PLCB4: variants seen among roughly 807,000 people sequenced by gnomAD.
PLCB4 encodes the protein phospholipase C beta 4.
A neutral mutation model predicts 178.8 loss-of-function variants in PLCB4; 77 were observed. The ratio of observed to expected loss-of-function variants is 0.43; its 90% CI spans 0.36 to 0.52. The LOEUF (loss-of-function observed/expected upper bound fraction) is 0.52. Among genes scored for constraint, PLCB4 ranks in the 20% least tolerant of loss-of-function variants. The pLI is 0.00. For synonymous variants in PLCB4, 496 were observed against 490.8 expected, an observed-to-expected ratio of 1.01 and a Z score of -0.14; for missense variants, 1,024 against 1,453.4, an observed-to-expected ratio of 0.70 and a Z score of 4.80.
At chr20:9,261,189 A>C (rs2094293706) in intron 3 of PLCB4, among the ~76,000 whole-genome samples, 1 of 152,102 alleles carries the variant, frequency 6.6e-6, no homozygotes, top group East Asian at 1.9e-4. Flanking sequence ...CAATCAAAGC[A>C]AAGGGGATGC....
intron 32 of PLCB4, among the ~76,000 whole-genome samples, chr20:9,446,315 A>G (rs1258274279): frequency 6.6e-6 from 1 of 152,180 alleles, no homozygotes; most frequent in South Asian, 2.1e-4. Context: ...GATGCTCACT[A>G]AGTGGACAAG....
intron 2 of PLCB4, among the ~76,000 whole-genome samples, chr20:9,112,884 C>CTTT (rs10667431): frequency 0.86 from 130,805 of 151,690 alleles, 56,602 homozygotes; most frequent in East Asian, 1. Context: ...TCCTCTTGCC[C>CTTT]TTTTTAAAAA....
intron 12 of PLCB4, among the ~76,000 whole-genome samples, chr20:9,375,475 A>G (rs1209461987): frequency 6.6e-6 from 1 of 152,194 alleles, no homozygotes; most frequent in Non-Finnish European, 1.5e-5. Flanking sequence ...TGAAGGTTCA[A>G]TGGCTTCAAA....
At chr20:9,301,453 A>T (rs1040481821) in intron 3 of PLCB4, among the ~76,000 whole-genome samples, 1 of 151,776 alleles carries the variant, frequency 6.6e-6, no homozygotes, top group Non-Finnish European at 1.5e-5. Context: ...AGCAGCACTG[A>T]CTCTAAAGTT....
chr20:9,406,892 A>C (rs1334051532), intron 21 of PLCB4, among the ~76,000 whole-genome samples: 1 of 152,250 alleles, frequency 6.6e-6, no homozygotes, highest in Non-Finnish European at 1.5e-5. Context: ...CAAAGTTCTC[A>C]GCAAAAATAT....
At chr20:9,128,648 A>G (rs2092193748) in intron 2 of PLCB4, among the ~76,000 whole-genome samples, 1 of 152,156 alleles carries the variant, frequency 6.6e-6, no homozygotes, top group Non-Finnish European at 1.5e-5. Context: ...TTGGCCTCCT[A>G]AAGTGCTGGG....
chr20:9,446,701 C>A (rs1000222714), intron 32 of PLCB4, among the ~76,000 whole-genome samples: 2 of 152,080 alleles, frequency 1.3e-5, no homozygotes, highest in African/African-American at 4.8e-5. Flanking sequence ...GCCAACATGG[C>A]AAAACCCTGT....
chr20:9,071,718 C>T (rs2089583403), intron 1 of PLCB4, among the ~76,000 whole-genome samples: 1 of 151,928 alleles, frequency 6.6e-6, no homozygotes, highest in Non-Finnish European at 1.5e-5. Flanking sequence ...GATTAGAGCA[C>T]TTAGGTAATG....
At chr20:9,235,836 A>C (rs1487730729) in intron 3 of PLCB4, among the ~76,000 whole-genome samples, 1 of 152,178 alleles carries the variant, frequency 6.6e-6, no homozygotes, top group Non-Finnish European at 1.5e-5. Flanking sequence ...AGTGGTCTGG[A>C]TTTTGTTATT....
chr20:9,162,501 A>G (rs2092904838), intron 2 of PLCB4, among the ~76,000 whole-genome samples: 1 of 152,186 alleles, frequency 6.6e-6, no homozygotes, highest in Non-Finnish European at 1.5e-5. Context: ...CAGATTCAAT[A>G]TGCTATTCGG....
At chr20:9,427,218 C>CT (rs2041080195) in intron 28 of PLCB4, among the ~76,000 whole-genome samples, 1 of 152,106 alleles carries the variant, frequency 6.6e-6, no homozygotes, top group South Asian at 2.1e-4. Context: ...GAGCAAGACT[C>CT]TGTCTCCAAA....
chr20:9,433,591 A>T (rs1292752593), intron 28 of PLCB4, among the ~76,000 whole-genome samples: 1 of 152,222 alleles, frequency 6.6e-6, no homozygotes, highest in Non-Finnish European at 1.5e-5. Flanking sequence ...TGAAAGGAAT[A>T]TAAAGGAAAT....
chr20:9,431,131 T>A (rs1444836128), intron 28 of PLCB4, among the ~76,000 whole-genome samples: 1 of 152,166 alleles, frequency 6.6e-6, no homozygotes, highest in East Asian at 1.9e-4. Flanking sequence ...CTCTGAAGGC[T>A]CTCGGGAAGA....
At chr20:9,140,314 G>T (rs533733869) in intron 2 of PLCB4, among the ~76,000 whole-genome samples, 2 of 152,082 alleles carry the variant, frequency 1.3e-5, no homozygotes, top group African/African-American at 4.8e-5. Flanking sequence ...ATCACACTTT[G>T]TAACCTTATA....
rs75889022 is a variant in PLCB4 at position 9,363,234 on chromosome 20, G to C, written c.449+259G>C. On this transcript the variant is annotated intron_variant, in intron 8 of 39. Transcript: ENST00000378473. ...CACTGGAACCTCAGTCACTCTGTATGCTGTCAGTTGTGGGTACTGGCTTTT... is the reference window on the plus strand; with the variant it reads ...CACTGGAACCTCAGTCACTCTGTATCCTGTCAGTTGTGGGTACTGGCTTTT... Among the ~76,000 whole-genome samples, 310 of 152,314 alleles carry C rather than the reference G, an allele frequency of 2.0e-3. 2 individuals are homozygous for C. Among genetic ancestry groups the C allele is most frequent in the Middle Eastern group, 0.014 (4 of 294 alleles).
chr20:9,253,988 GGTCTGCC>G (rs1042769483), intron 3 of PLCB4, among the ~76,000 whole-genome samples: 1 of 152,150 alleles, frequency 6.6e-6, no homozygotes, highest in Non-Finnish European at 1.5e-5. Context: ...AAGTATGTTT[GGTCTGCC>G]CAGCTCTAAT....
At chr20:9,405,239 A>G (rs1568751986) in intron 20 of PLCB4, 74 bp from the exon 21 acceptor site, 4 of 714,026 alleles carry the variant, frequency 5.6e-6, no homozygotes, top group South Asian at 3.4e-5. Context: ...TTAAATATCT[A>G]TGTATGTATG....
At chr20:9,319,395 AG>A (rs2094935033) in intron 4 of PLCB4, among the ~76,000 whole-genome samples, 1 of 152,186 alleles carries the variant, frequency 6.6e-6, no homozygotes, top group Non-Finnish European at 1.5e-5. Flanking sequence ...TGTATTAGTG[AG>A]GGTTCTCCAG....
At chr20:9,419,729 G>T in intron 25 of PLCB4, 78 bp from the exon 26 acceptor site, 1 of 881,756 alleles carries the variant, frequency 1.1e-6, no homozygotes, top group Non-Finnish European at 1.9e-6. Flanking sequence ...AGAAAAGGAA[G>T]CATCCATTGT....
Sources: allele counts gnomAD v4.1 joint callset (sites outside exome capture counted in the v4.1 genomes callset), GRCh38; gene constraint gnomAD v4.1.1; transcripts MANE v1.5; gene names NCBI Gene and HGNC (gene_info 2026-07-23, HGNC 2026-07-21).